The following LRCH2 variants were observed in gnomAD, a reference collection of about 807,000 sequenced individuals.
LRCH2 encodes leucine rich repeats and calponin homology domain containing 2.
Under a neutral mutation model 68.9 loss-of-function variants are expected in LRCH2, and 38 were observed. The observed-to-expected ratio is 0.55, with a 90% CI of 0.43 to 0.72. The LOEUF is 0.72. Ranked by LOEUF, LRCH2 falls within the 30% of genes least tolerant of loss-of-function variation. The pLI, the probability that LRCH2 is intolerant of heterozygous loss-of-function variation, is 0.00. For synonymous variants in LRCH2, 191 were observed against 208.1 expected (o/e 0.92, Z 0.71); for missense variants, 528 against 572.9 (o/e 0.92, Z 0.80).
At chrX:115,232,403 TC>T (rs1556578765) in intron 1 of LRCH2, among the ~76,000 whole-genome samples, 1 of 111,725 alleles carries the variant, frequency 9.0e-6, no homozygotes, top group Admixed American at 9.5e-5. Context: ...ATTTAGGAAA[TC>T]TGTTCTGAGT....
rs782031501 is a variant in LRCH2 at position 115,135,439 on chromosome X, G to A, written c.1696-5240C>T. On this transcript the variant is annotated intron_variant, in intron 14 of 20. Coordinates refer to ENST00000317135, the MANE Select transcript of LRCH2 (RefSeq NM_020871.4). ...CTGCCACGCCTGGCCTAGAAGTAGA[G>A]CTTAAAGTTGTGACTCAATTACTGT... 2.7e-5 allele frequency among the ~76,000 whole-genome samples: 3 copies of A among 111,023 alleles called. No individual in the cohort carries two copies. The East Asian group carries it at 8.5e-4, about 32-fold the overall frequency.
chrX:115,192,368 G>A lies in LRCH2; in HGVS notation c.350-3998C>T, dbSNP rs782170232. On this transcript the variant is annotated intron_variant, in intron 1 of 20. Transcript: ENST00000317135. Reference sequence around the variant, plus strand: ...ATCAAGAGTTACGGCCTGAGCGACCGCTACGGAGGAGGAGGCCACTACGAG... The same window carrying A: ...ATCAAGAGTTACGGCCTGAGCGACCACTACGGAGGAGGAGGCCACTACGAG... 35 of 1,158,483 alleles carry A rather than the reference G, an allele frequency of 3.0e-5. No individual in the cohort carries two copies. In the South Asian group the frequency reaches 4.0e-4, roughly 13 times the overall value.
At chrX:115,150,820 A>C (rs1556538139) in intron 12 of LRCH2, among the ~76,000 whole-genome samples, 3 of 111,346 alleles carry the variant, frequency 2.7e-5, no homozygotes, top group Non-Finnish European at 5.7e-5. Context: ...GTTACCAGTT[A>C]AAGAAAAACA....
At chrX:115,211,436 C>CT (rs1290428123) in intron 1 of LRCH2, among the ~76,000 whole-genome samples, 1 of 111,727 alleles carries the variant, frequency 9.0e-6, no homozygotes, top group African/African-American at 3.3e-5. Flanking sequence ...CCACGTGGAA[C>CT]TGTAAGTCCA....
At chrX:115,214,053 G>A (rs782445674) in intron 1 of LRCH2, among the ~76,000 whole-genome samples, 22 of 111,825 alleles carry the variant, frequency 2.0e-4, no homozygotes, top group Non-Finnish European at 3.9e-4. Flanking sequence ...GTCTTCAGGA[G>A]AGTGCATAAA....
intron 1 of LRCH2, among the ~76,000 whole-genome samples, chrX:115,219,398 A>G (rs781855965): frequency 7.1e-5 from 6 of 84,902 alleles, no homozygotes; most frequent in Non-Finnish European, 1.4e-4. Flanking sequence ...ATTAAAAAGT[A>G]ATGACAAATT....
In LRCH2 at chrX:115,191,522, A is replaced by T. The variant is rs782239511; in HGVS notation, c.350-3152T>A. On this transcript the variant is annotated intron_variant, in intron 1 of 20. Coordinates refer to ENST00000317135, the MANE Select transcript of LRCH2 (RefSeq NM_020871.4). ...CCTGATGCCTACAGTGGGGGCCACG[A>T]CAGTTCCAGCCAGAGCAACCGCTAT... 7.4e-5 allele frequency: 83 copies of T among 1,117,962 alleles called. No individual in the cohort carries two copies. The East Asian group carries it at 3.0e-3, about 41-fold the overall frequency. The allele number at this position is 1,117,962 out of a possible 1,213,427, so 92.1% of individuals were successfully genotyped here.
At chrX:115,208,816 C>T (rs782429651) in intron 1 of LRCH2, among the ~76,000 whole-genome samples, 95 of 111,696 alleles carry the variant, frequency 8.5e-4, no homozygotes, top group African/African-American at 3.0e-3. Context: ...TATAGATTAC[C>T]ATAGTCTCTC....
intron 5 of LRCH2, among the ~76,000 whole-genome samples, chrX:115,173,534 G>A (rs1461818142): frequency 9.0e-6 from 1 of 111,427 alleles, no homozygotes; most frequent in East Asian, 2.8e-4. Flanking sequence ...AGAGGATTAG[G>A]CTGACTTCAG....
In LRCH2 at chrX:115,191,347, C is replaced by T. The variant is rs782134497; in HGVS notation, c.350-2977G>A. On this transcript the variant is annotated intron_variant, in intron 1 of 20. Transcript: ENST00000317135. ...AGGCCGCTACGAGGAGTACCGAGGC[C>T]GCTCCCTTGATGCCAACAGTGGAGG... The T allele has an allele frequency of 2.8e-5, 32 of 1,147,293 alleles. No homozygotes were observed. The African/African-American group carries it at 4.8e-4, about 17-fold the overall frequency. The allele number at this position is 1,147,293 out of a possible 1,213,427, so 94.5% of individuals were successfully genotyped here. A position where few individuals can be genotyped will look rare whatever the true frequency, so the allele number is the denominator to read the frequency against.
chrX:115,140,726 G>C (rs2072329906), intron 14 of LRCH2, among the ~76,000 whole-genome samples: 1 of 111,665 alleles, frequency 9.0e-6, no homozygotes, highest in Admixed American at 9.5e-5. Flanking sequence ...GGCCAGTGGT[G>C]GTGGTGGCCA....
chrX:115,177,702 T>G (rs1184022783), intron 5 of LRCH2, among the ~76,000 whole-genome samples: 1 of 111,310 alleles, frequency 9.0e-6, no homozygotes, highest in Non-Finnish European at 1.9e-5. Flanking sequence ...GGTATACATG[T>G]GCCATGGTGG....
chrX:115,161,124 G>A (rs782732142), intron 11 of LRCH2, among the ~76,000 whole-genome samples: 3 of 92,586 alleles, frequency 3.2e-5, no homozygotes, highest in Middle Eastern at 5.9e-3. Context: ...AGGCCGAGGC[G>A]GGTGGAACCC....
chrX:115,171,101 C>T lies in LRCH2; in HGVS notation c.865-669G>A, dbSNP rs191611603. Among the ~76,000 whole-genome samples, 154 of 111,495 alleles carry T rather than the reference C, an allele frequency of 1.4e-3. 1 individual carries two copies. Among genetic ancestry groups the T allele is most frequent in the Non-Finnish European group, 2.2e-3 (115 of 52,976 alleles). ...AATGAGAGGTAAGAAAACTGTAAGTCAGCTTTATCAAGGTTAATTACAGTC... is the reference window on the plus strand; with the variant it reads ...AATGAGAGGTAAGAAAACTGTAAGTTAGCTTTATCAAGGTTAATTACAGTC... On this transcript the variant is annotated intron_variant, in intron 5 of 20. Coordinates refer to ENST00000317135, the MANE Select transcript of LRCH2 (RefSeq NM_020871.4).
intron 1 of LRCH2, among the ~76,000 whole-genome samples, chrX:115,226,894 G>T (rs1434310216): frequency 3.6e-5 from 4 of 111,006 alleles, no homozygotes; most frequent in African/African-American, 1.3e-4. Context: ...TCTTTATAAA[G>T]CCCCCCTCTG....
At chrX:115,221,543 G>C (rs2073085548) in intron 1 of LRCH2, among the ~76,000 whole-genome samples, 1 of 110,442 alleles carries the variant, frequency 9.1e-6, no homozygotes, top group African/African-American at 3.3e-5. Context: ...CAACTACTAT[G>C]TACCACACAC....
chrX:115,154,449 T>C (rs1468832007), intron 12 of LRCH2, among the ~76,000 whole-genome samples: 3 of 111,573 alleles, frequency 2.7e-5, no homozygotes, highest in Non-Finnish European at 5.7e-5. Flanking sequence ...ACAGAATACA[T>C]TTTTTTCCAA....
At chrX:115,117,875 G>A (rs1305775438) in intron 20 of LRCH2, among the ~76,000 whole-genome samples, 2 of 110,463 alleles carry the variant, frequency 1.8e-5, no homozygotes, top group Non-Finnish European at 3.8e-5. Context: ...CATGGTGTAT[G>A]CATATGTCAA....
intron 1 of LRCH2, among the ~76,000 whole-genome samples, chrX:115,219,612 G>A (rs1205377603): frequency 2.7e-5 from 3 of 111,546 alleles, no homozygotes; most frequent in Non-Finnish European, 5.6e-5. Flanking sequence ...AAACTGGAGG[G>A]ACTAAATGAA....
Sources: gnomAD v4.1 joint callset for allele counts (sites outside exome capture counted in the v4.1 genomes callset) on GRCh38, gnomAD v4.1.1 for gene constraint, MANE v1.5 for transcripts, NCBI Gene and HGNC (gene_info 2026-07-23, HGNC 2026-07-21) for gene names.